Variants in CSMD3 observed in about 807,000 individuals in gnomAD.
The protein encoded by CSMD3 is CUB and Sushi multiple domains 3.
In CSMD3, 177 loss-of-function variants were observed where a neutral mutation model predicts 435.2. The observed-to-expected ratio is 0.41, with a 90% CI of 0.36 to 0.46. The LOEUF is 0.46. Ranked by LOEUF, CSMD3 falls within the 20% of genes least tolerant of loss-of-function variation. The pLI, the probability that CSMD3 is intolerant of heterozygous loss-of-function variation, is 0.34. For synonymous variants in CSMD3, 1,656 were observed against 1,520.5 expected, an observed-to-expected ratio of 1.09 and a Z score of -2.07; for missense variants, 4,265 against 4,504.6, an observed-to-expected ratio of 0.95 and a Z score of 1.52.
At chr8:112,635,311 A>G (rs1385340367) in intron 22 of CSMD3, among the ~76,000 whole-genome samples, 1 of 152,104 alleles carries the variant, frequency 6.6e-6, no homozygotes, top group Non-Finnish European at 1.5e-5. Flanking sequence ...CATTTTGCTG[A>G]TGAGAAAAAT....
chr8:112,526,707 CTTTGCTCACT>C (rs1434009352), intron 27 of CSMD3, among the ~76,000 whole-genome samples: 2 of 151,522 alleles, frequency 1.3e-5, no homozygotes, highest in Non-Finnish European at 2.9e-5. Flanking sequence ...AATTTGTGGC[CTTTGCTCACT>C]TTAAATATTT....
Position 113,039,881 on chromosome 8 carries a change from ACT to A in CSMD3, c.918-20704_918-20703del, listed in dbSNP as rs540264478. ...TTCAAGAATTATTTTTTCACTCAAC[ACT>A]CTCTTACAAAAGTTAATTGAGCACT... On this transcript the variant is annotated intron_variant, in intron 5 of 70. Coordinates refer to ENST00000297405, the MANE Select transcript of CSMD3 (RefSeq NM_198123.2). Among the ~76,000 whole-genome samples the A allele has an allele frequency of 1.2e-4, 19 of 152,232 alleles. No individual in the cohort carries two copies. In the South Asian group the frequency reaches 3.9e-3, roughly 32 times the overall value.
At chr8:113,211,196 T>C (rs1420815026) in intron 3 of CSMD3, among the ~76,000 whole-genome samples, 5 of 152,222 alleles carry the variant, frequency 3.3e-5, no homozygotes, top group Non-Finnish European at 7.3e-5. Context: ...TTGAGAAATT[T>C]ATTTAAATAC....
chr8:112,942,824 A>C (rs1440153008), intron 9 of CSMD3, among the ~76,000 whole-genome samples: 1 of 151,742 alleles, frequency 6.6e-6, no homozygotes, highest in East Asian at 1.9e-4. Context: ...GTGACATACA[A>C]TTTACCTATG....
chr8:112,664,186 T>C (rs957097498), intron 17 of CSMD3, among the ~76,000 whole-genome samples: 2 of 152,172 alleles, frequency 1.3e-5, no homozygotes, highest in African/African-American at 4.8e-5. Context: ...TATATAAATA[T>C]ATATGAGATT....
chr8:112,943,278 G>A (rs776882064), intron 9 of CSMD3, among the ~76,000 whole-genome samples: 9 of 151,698 alleles, frequency 5.9e-5, no homozygotes, highest in South Asian at 2.1e-4. Flanking sequence ...TCTGTGGAAT[G>A]TTCTTTCTTT....
chr8:112,884,629 G>T (rs922696990), intron 10 of CSMD3, among the ~76,000 whole-genome samples: 1 of 151,174 alleles, frequency 6.6e-6, no homozygotes, highest in Non-Finnish European at 1.5e-5. Context: ...CCAGCTGTCA[G>T]AATCCAGCCC....
intron 45 of CSMD3, among the ~76,000 whole-genome samples, chr8:112,326,371 A>T (rs1235317087): frequency 6.6e-6 from 1 of 152,204 alleles, no homozygotes; most frequent in Non-Finnish European, 1.5e-5. Flanking sequence ...TTTACTCTGT[A>T]ACCAGACTGA....
chr8:112,385,488 G>A (rs1208918591), intron 36 of CSMD3, among the ~76,000 whole-genome samples: 4 of 152,104 alleles, frequency 2.6e-5, no homozygotes, highest in East Asian at 1.9e-4. Flanking sequence ...TTCAGAAGTC[G>A]GAGGAAGAAC....
intron 66 of CSMD3, among the ~76,000 whole-genome samples, chr8:112,239,249 T>C (rs1257164010): frequency 6.6e-6 from 1 of 152,134 alleles, no homozygotes; most frequent in Admixed American, 6.6e-5. Flanking sequence ...TGGGGTCTGC[T>C]TGATTCACAA....
chr8:112,742,798 G>T (rs188502798), intron 13 of CSMD3, among the ~76,000 whole-genome samples: 167 of 151,952 alleles, frequency 1.1e-3, no homozygotes, highest in Non-Finnish European at 2.1e-3. Context: ...TGATTCTACT[G>T]CAAGGAAATG....
intron 1 of CSMD3, among the ~76,000 whole-genome samples, chr8:113,320,086 G>C (rs555545993): frequency 6.6e-6 from 1 of 152,000 alleles, no homozygotes; most frequent in Non-Finnish European, 1.5e-5. Flanking sequence ...ACAAAATACA[G>C]AAAGTATTAT....
At chr8:112,809,805 A>G (rs1446448731) in intron 12 of CSMD3, among the ~76,000 whole-genome samples, 7 of 152,142 alleles carry the variant, frequency 4.6e-5, no homozygotes. Context: ...AAAACTTGCA[A>G]TTATAAATCC....
chr8:112,291,625 A>G lies in CSMD3; in HGVS notation c.8859T>C (p.Phe2953=), dbSNP rs202112356. 10 of 1,611,838 alleles carry G rather than the reference A, an allele frequency of 6.2e-6. No individual in the cohort carries two copies. The East Asian group carries it at 2.2e-4, about 36-fold the overall frequency. Residue 2953 remains phenylalanine (F), a synonymous_variant, in exon 56 of 71, where the codon TTT becomes TTC. Transcript: ENST00000297405. ...KRESKIEHGN[F]TYGTVVFYDC... ...CATAGAATACCACAGTGCCGTAAGT[A>G]AAATTTCCATGTTCTATTTTACTTT...
chr8:112,865,973 A>C (rs1293618179), intron 10 of CSMD3, among the ~76,000 whole-genome samples: 1 of 152,096 alleles, frequency 6.6e-6, no homozygotes. Flanking sequence ...TCAAGCTTCT[A>C]CCTTTTGGTG....
chr8:113,247,287 C>T (rs1415158450), intron 3 of CSMD3, among the ~76,000 whole-genome samples: 2 of 152,122 alleles, frequency 1.3e-5, no homozygotes, highest in Non-Finnish European at 2.9e-5. Context: ...GAATGACCAA[C>T]TTGGTATATG....
chr8:112,588,329 C>T (rs1203158836), intron 22 of CSMD3, among the ~76,000 whole-genome samples: 1 of 151,268 alleles, frequency 6.6e-6, no homozygotes, highest in Non-Finnish European at 1.5e-5. Flanking sequence ...GAAACAAAAG[C>T]CTAATGAAAT....
intron 9 of CSMD3, among the ~76,000 whole-genome samples, chr8:112,940,596 A>G (rs2083422993): frequency 1.3e-5 from 2 of 151,806 alleles, no homozygotes; most frequent in Admixed American, 1.3e-4. Flanking sequence ...CCCTTTAAAA[A>G]CTTGTTATAT....
chr8:112,351,713 C>T (rs1826154746), intron 39 of CSMD3, among the ~76,000 whole-genome samples: 1 of 151,878 alleles, frequency 6.6e-6, no homozygotes, highest in Non-Finnish European at 1.5e-5. Context: ...TCTGTTTGCA[C>T]TTCTGAGATT....
Sources: allele counts gnomAD v4.1 joint callset (sites outside exome capture counted in the v4.1 genomes callset), GRCh38; gene constraint gnomAD v4.1.1; transcripts MANE v1.5; gene names NCBI Gene and HGNC (gene_info 2026-07-23, HGNC 2026-07-21).